MEGF11: variants seen among roughly 807,000 people sequenced by gnomAD.
MEGF11 encodes the protein multiple EGF like domains 11.
MEGF11 carries 126 observed loss-of-function variants against 146.6 expected under a neutral mutation model. The ratio of observed to expected loss-of-function variants is 0.86; its 90% CI spans 0.74 to 1.00. The LOEUF (loss-of-function observed/expected upper bound fraction) is 1.00, where lower values mean the gene tolerates loss of function less well. Ranked by LOEUF, MEGF11 falls within the 50% of genes least tolerant of loss-of-function variation. The pLI is 0.00. For missense variants in MEGF11, 1,509 were observed against 1,521.2 expected, an observed-to-expected ratio of 0.99 and a Z score of 0.13; for synonymous variants, 532 against 583.4, an observed-to-expected ratio of 0.91 and a Z score of 1.27.
At chr15:66,197,393 T>A (rs965851249) in intron 1 of MEGF11, among the ~76,000 whole-genome samples, 1 of 152,204 alleles carries the variant, frequency 6.6e-6, no homozygotes, top group Non-Finnish European at 1.5e-5. Flanking sequence ...TTGGGGCCAC[T>A]GCTCTCATGG....
intron 5 of MEGF11, among the ~76,000 whole-genome samples, chr15:66,010,394 T>C (rs918641773): frequency 6.6e-6 from 1 of 152,058 alleles, no homozygotes; most frequent in Non-Finnish European, 1.5e-5. Context: ...GGTTTCACCA[T>C]GTTGGCCAGG....
chr15:65,962,774 T>C (rs2080908356), intron 9 of MEGF11, among the ~76,000 whole-genome samples: 1 of 152,146 alleles, frequency 6.6e-6, no homozygotes, highest in South Asian at 2.1e-4. Context: ...GCCAGGCTGC[T>C]GGTGCCCTCA....
intron 8 of MEGF11, among the ~76,000 whole-genome samples, chr15:65,968,347 C>G (rs147270539): frequency 1.3e-5 from 2 of 152,166 alleles, no homozygotes; most frequent in South Asian, 4.1e-4. Context: ...TCTCAAATGT[C>G]GGGTGAAAAA....
At chr15:66,232,748 G>A (rs1158744854) in intron 1 of MEGF11, among the ~76,000 whole-genome samples, 2 of 152,178 alleles carry the variant, frequency 1.3e-5, no homozygotes, top group Non-Finnish European at 2.9e-5. Context: ...GGAAAGGCAA[G>A]GAGTTTTATC....
intron 5 of MEGF11, among the ~76,000 whole-genome samples, chr15:66,046,675 C>A (rs1567216666): frequency 6.6e-6 from 1 of 152,216 alleles, no homozygotes; most frequent in Admixed American, 6.5e-5. Context: ...GTAGCAGACA[C>A]CGTGCCCACT....
intron 5 of MEGF11, among the ~76,000 whole-genome samples, chr15:66,044,393 C>T (rs2084112064): frequency 6.6e-6 from 1 of 152,176 alleles, no homozygotes; most frequent in African/African-American, 2.4e-5. Context: ...TCTCTCTGTG[C>T]TCCAGTCCAC....
At chr15:65,946,374 G>A (rs554846040) in intron 10 of MEGF11, among the ~76,000 whole-genome samples, 21 of 152,314 alleles carry the variant, frequency 1.4e-4, no homozygotes, top group African/African-American at 5.1e-4. Flanking sequence ...ACTCTGCCAA[G>A]CAGCCTCCAG....
At chr15:66,237,222 G>T (rs903303992) in intron 1 of MEGF11, among the ~76,000 whole-genome samples, 1 of 152,176 alleles carries the variant, frequency 6.6e-6, no homozygotes. Context: ...GAAACTCCCA[G>T]ATGGACTCTG....
chr15:65,973,701 C>T (rs2081365865), intron 7 of MEGF11, among the ~76,000 whole-genome samples: 1 of 152,050 alleles, frequency 6.6e-6, no homozygotes, highest in African/African-American at 2.4e-5. Flanking sequence ...AGAGGGGTTG[C>T]GTGTTTGTAT....
chr15:66,082,796 T>C (rs1339770144), intron 5 of MEGF11, among the ~76,000 whole-genome samples: 1 of 151,996 alleles, frequency 6.6e-6, no homozygotes, highest in Non-Finnish European at 1.5e-5. Flanking sequence ...TGCTTCTTTC[T>C]TCCCGCCTCC....
At chr15:66,089,176 C>T (rs1279559675) in intron 5 of MEGF11, among the ~76,000 whole-genome samples, 1 of 152,178 alleles carries the variant, frequency 6.6e-6, no homozygotes, top group African/African-American at 2.4e-5. Flanking sequence ...TCCCACACAC[C>T]ATTCAAGATA....
chr15:66,028,002 T>C (rs2083392891), intron 5 of MEGF11, among the ~76,000 whole-genome samples: 1 of 152,224 alleles, frequency 6.6e-6, no homozygotes, highest in African/African-American at 2.4e-5. Context: ...AAGAGGGACG[T>C]AGCACACAGA....
chr15:65,916,780 C>T (rs779491418), intron 17 of MEGF11, 48 bp downstream of exon 17: 37 of 1,599,740 alleles, frequency 2.3e-5, no homozygotes, highest in Middle Eastern at 1.7e-4. Context: ...GCCAGTAGGC[C>T]GCAGCATGGT....
At chr15:66,239,764 T>C (rs2092171490) in intron 1 of MEGF11, among the ~76,000 whole-genome samples, 1 of 152,182 alleles carries the variant, frequency 6.6e-6, no homozygotes, top group Non-Finnish European at 1.5e-5. Flanking sequence ...TGGGCCCAGG[T>C]GAGGCACCAT....
At chr15:65,948,824 G>A (rs1207242821) in intron 10 of MEGF11, among the ~76,000 whole-genome samples, 1 of 145,006 alleles carries the variant, frequency 6.9e-6, no homozygotes, top group Non-Finnish European at 1.6e-5. Flanking sequence ...CTTGGGTACT[G>A]GAGTGTGTGT....
At chr15:66,156,026 G>A (rs2089743945) in intron 1 of MEGF11, among the ~76,000 whole-genome samples, 1 of 152,184 alleles carries the variant, frequency 6.6e-6, no homozygotes, top group African/African-American at 2.4e-5. Context: ...TGCTGAGTTG[G>A]TCTTCAGGGA....
At chr15:65,993,707 C>T (rs2141781677) in intron 5 of MEGF11, among the ~76,000 whole-genome samples, 1 of 152,304 alleles carries the variant, frequency 6.6e-6, no homozygotes, top group East Asian at 1.9e-4. Flanking sequence ...CTTTCCCAGC[C>T]ATGTAGGCTC....
intron 7 of MEGF11, among the ~76,000 whole-genome samples, chr15:65,977,166 CA>C (rs372969314): frequency 2.2e-5 from 2 of 91,316 alleles, no homozygotes; most frequent in African/African-American, 3.5e-5. Context: ...GACTCCGTCT[CA>C]AAAAAAAAAG....
intron 2 of MEGF11, among the ~76,000 whole-genome samples, chr15:66,126,903 C>A (rs2088376228): frequency 6.6e-6 from 1 of 152,220 alleles, no homozygotes; most frequent in Non-Finnish European, 1.5e-5. Flanking sequence ...GAATCAGCAT[C>A]TCCGGGATAG....
Sources: allele counts gnomAD v4.1 joint callset (sites outside exome capture counted in the v4.1 genomes callset), GRCh38; gene constraint gnomAD v4.1.1; transcripts MANE v1.5; gene names NCBI Gene and HGNC (gene_info 2026-07-23, HGNC 2026-07-21).